The following STAC variants were observed in gnomAD, a reference collection of about 807,000 sequenced individuals.
STAC encodes the protein SH3 and cysteine-rich domain-containing protein.
STAC carries 43 observed loss-of-function variants against 48.8 expected under a neutral mutation model. That is an observed-to-expected ratio of 0.88 (90% CI 0.69 to 1.14). STAC has a LOEUF of 1.14. Among genes scored for constraint, STAC ranks in the 50% most tolerant of loss-of-function variants. STAC has a pLI of 0.00. For missense variants in STAC, 497 were observed against 504.0 expected, an observed-to-expected ratio of 0.99 and a Z score of 0.13; for synonymous variants, 193 against 179.5, an observed-to-expected ratio of 1.07 and a Z score of -0.60.
chr3:36,405,620 T>C (rs572328829), intron 1 of STAC, among the ~76,000 whole-genome samples: 131 of 152,322 alleles, frequency 8.6e-4, no homozygotes, highest in African/African-American at 3.1e-3. Context: ...CCATATATGA[T>C]ATAGCTAAAT....
chr3:36,469,611 A>G (rs760878704), intron 2 of STAC, among the ~76,000 whole-genome samples: 22 of 152,168 alleles, frequency 1.4e-4, no homozygotes, highest in Non-Finnish European at 3.2e-4. Context: ...TCTTGTATTC[A>G]GATGTCTAGA....
chr3:36,417,409 T>G (rs946766074), intron 1 of STAC, among the ~76,000 whole-genome samples: 2 of 152,160 alleles, frequency 1.3e-5, no homozygotes, highest in Non-Finnish European at 2.9e-5. Flanking sequence ...TTCACTCTTC[T>G]TACAGTCCAG....
At chr3:36,469,085 AT>A in intron 2 of STAC, among the ~76,000 whole-genome samples, 1 of 152,270 alleles carries the variant, frequency 6.6e-6, no homozygotes, top group Middle Eastern at 3.4e-3. Flanking sequence ...GGTCATTTAC[AT>A]TCAATGTTGG....
At chr3:36,453,299 G>C (rs1336803458) in intron 2 of STAC, among the ~76,000 whole-genome samples, 1 of 152,228 alleles carries the variant, frequency 6.6e-6, no homozygotes. Context: ...ATTCTGGGCT[G>C]GCCAAGGCCG....
intron 8 of STAC, among the ~76,000 whole-genome samples, chr3:36,526,389 G>A (rs539919850): frequency 3.5e-4 from 54 of 152,300 alleles, no homozygotes; most frequent in African/African-American, 1.2e-3. Context: ...GAAGCAAAGT[G>A]ACAATGTGTC....
At chr3:36,526,658 C>T (rs531754731) in intron 8 of STAC, among the ~76,000 whole-genome samples, 5 of 152,196 alleles carry the variant, frequency 3.3e-5, no homozygotes, top group East Asian at 1.9e-4. Flanking sequence ...TTCATAGCAC[C>T]GCATTACTAC....
At chr3:36,416,435 T>C (rs1347827918) in intron 1 of STAC, among the ~76,000 whole-genome samples, 1 of 152,226 alleles carries the variant, frequency 6.6e-6, no homozygotes, top group Non-Finnish European at 1.5e-5. Context: ...AGCTTGCCAC[T>C]GCACTCTGGT....
Position 36,417,166 on chromosome 3 carries a change from G to A in STAC, c.112-26198G>A, listed in dbSNP as rs368672489. Among the ~76,000 whole-genome samples the A allele has an allele frequency of 1.6e-4, 25 of 152,218 alleles. 1 individual carries two copies. The South Asian group carries it at 5.0e-3, about 30-fold the overall frequency. On this transcript the variant is annotated intron_variant, in intron 1 of 10. Coordinates refer to ENST00000273183, the MANE Select transcript of STAC (RefSeq NM_003149.3). ...CTCTGCATGGACAAGAGTGTAGGAG[G>A]CAATGAACTTCCTAAAGCCATGTAG...
At chr3:36,410,975 C>T (rs1272910264) in intron 1 of STAC, among the ~76,000 whole-genome samples, 7 of 152,174 alleles carry the variant, frequency 4.6e-5, no homozygotes, top group Non-Finnish European at 1.0e-4. Context: ...ACAAAGTTAA[C>T]CCATAAAAAG....
chr3:36,458,456 T>C (rs982595271), intron 2 of STAC, among the ~76,000 whole-genome samples: 2 of 152,166 alleles, frequency 1.3e-5, no homozygotes, highest in African/African-American at 4.8e-5. Flanking sequence ...GTTGGGATGA[T>C]GAGAAAGAGG....
At chr3:36,439,560 C>T (rs1191551146) in intron 1 of STAC, among the ~76,000 whole-genome samples, 2 of 152,182 alleles carry the variant, frequency 1.3e-5, no homozygotes, top group East Asian at 3.8e-4. Flanking sequence ...TTGCACATCC[C>T]ATGACAAAAC....
At chr3:36,453,827 C>A (rs1313277605) in intron 2 of STAC, among the ~76,000 whole-genome samples, 2 of 152,176 alleles carry the variant, frequency 1.3e-5, no homozygotes, top group East Asian at 3.9e-4. Flanking sequence ...ACACACCGAT[C>A]GGCACTCTGC....
chr3:36,481,930 C>T (rs1039373789), intron 2 of STAC, among the ~76,000 whole-genome samples: 2 of 152,232 alleles, frequency 1.3e-5, no homozygotes, highest in Non-Finnish European at 2.9e-5. Context: ...CACACCCCAT[C>T]CTTCTCATCA....
At chr3:36,397,569 CA>C (rs1699879469) in intron 1 of STAC, among the ~76,000 whole-genome samples, 2 of 152,030 alleles carry the variant, frequency 1.3e-5, no homozygotes, top group Non-Finnish European at 2.9e-5. Flanking sequence ...ATCCAGTTTA[CA>C]AAAATAAAGC....
At chr3:36,466,490 G>A (rs1357180707) in intron 2 of STAC, among the ~76,000 whole-genome samples, 3 of 152,102 alleles carry the variant, frequency 2.0e-5, no homozygotes, top group Non-Finnish European at 4.4e-5. Flanking sequence ...ATTGCTTTTG[G>A]CAATATGGTC....
chr3:36,537,362 C>T (rs1311649403), intron 10 of STAC, among the ~76,000 whole-genome samples: 1 of 152,036 alleles, frequency 6.6e-6, no homozygotes, highest in Non-Finnish European at 1.5e-5. Context: ...ACTATGCAGC[C>T]ATAAAAAGGA....
intron 1 of STAC, among the ~76,000 whole-genome samples, chr3:36,423,822 C>T (rs1056269715): frequency 6.6e-6 from 1 of 152,182 alleles, no homozygotes; most frequent in African/African-American, 2.4e-5. Flanking sequence ...CTTATTAACA[C>T]ATTATCGAGC....
chr3:36,530,580 C>CTTTTTTTTTTTTTTT (rs775751742), intron 10 of STAC, among the ~76,000 whole-genome samples: 1 of 102,704 alleles, frequency 9.7e-6, no homozygotes. Context: ...TTCACCTTTT[C>CTTTTTTTTTTTTTTT]TTTTTTTTTT....
chr3:36,436,315 G>C (rs1413005273), intron 1 of STAC, among the ~76,000 whole-genome samples: 2 of 152,146 alleles, frequency 1.3e-5, no homozygotes, highest in Non-Finnish European at 2.9e-5. Context: ...CCTACAGTCA[G>C]TATTCCACAC....
Sources: allele counts gnomAD v4.1 joint callset (sites outside exome capture counted in the v4.1 genomes callset), GRCh38; gene constraint gnomAD v4.1.1; transcripts MANE v1.5; gene names NCBI Gene and HGNC (gene_info 2026-07-23, HGNC 2026-07-21).